The following CPLANE1 variants were observed in gnomAD, a reference collection of about 807,000 sequenced individuals.
CPLANE1 encodes the protein ciliogenesis and planar polarity effector complex subunit 1.
CPLANE1 carries 263 observed loss-of-function variants against 362.5 expected under a neutral mutation model. The ratio of observed to expected loss-of-function variants is 0.73; its 90% confidence interval spans 0.66 to 0.80. CPLANE1 has a LOEUF of 0.80. Among genes scored for constraint, CPLANE1 ranks in the 30% least tolerant of loss-of-function variants. The pLI, the probability that CPLANE1 is intolerant of heterozygous loss-of-function variation, is 0.00. For missense variants in CPLANE1, 3,461 were observed against 3,793.4 expected, an observed-to-expected ratio of 0.91 and a Z score of 2.30; for synonymous variants, 1,212 against 1,302.6, an observed-to-expected ratio of 0.93 and a Z score of 1.50.
intron 16 of CPLANE1, among the ~76,000 whole-genome samples, chr5:37,208,683 C>A (rs552185523): frequency 2.2e-4 from 26 of 120,250 alleles, no homozygotes; most frequent in African/African-American, 3.6e-4. Context: ...TCTCCCCCCC[C>A]CCCCAAAAAA....
chr5:37,149,995 G>C (rs1178030788), intron 42 of CPLANE1, among the ~76,000 whole-genome samples: 1 of 152,156 alleles, frequency 6.6e-6, no homozygotes, highest in Non-Finnish European at 1.5e-5. Flanking sequence ...AAAAGACATT[G>C]TCCCTACCTT....
intron 50 of CPLANE1, 111 bp downstream of exon 50, chr5:37,120,105 C>G: frequency 8.9e-7 from 1 of 1,123,658 alleles, no homozygotes; most frequent in Non-Finnish European, 1.3e-6. Flanking sequence ...CTGTTCAAAT[C>G]AGAACTCCTT....
chr5:37,184,679 A>T, intron 25 of CPLANE1, 109 bp downstream of exon 25: 1 of 832,146 alleles, frequency 1.2e-6, no homozygotes, highest in Non-Finnish European at 1.9e-6. Flanking sequence ...TCATATTATT[A>T]ATAGCACAAT....
At chr5:37,235,590 T>C (rs1798796298) in intron 8 of CPLANE1, among the ~76,000 whole-genome samples, 1 of 102,176 alleles carries the variant, frequency 9.8e-6, no homozygotes, top group African/African-American at 4.6e-5. Flanking sequence ...TTTTTTTTTT[T>C]GCAATGGAGT....
intron 15 of CPLANE1, among the ~76,000 whole-genome samples, chr5:37,218,904 T>G (rs1561641751): frequency 6.7e-6 from 1 of 149,924 alleles, no homozygotes; most frequent in Non-Finnish European, 1.5e-5. Flanking sequence ...GCTGAGATAG[T>G]GCCATTGCAC....
chr5:37,178,380 T>C (rs1781772447), intron 29 of CPLANE1, among the ~76,000 whole-genome samples: 1 of 151,482 alleles, frequency 6.6e-6, no homozygotes. Flanking sequence ...CTTTGAGAGG[T>C]TGAGGCTAGG....
intron 50 of CPLANE1, among the ~76,000 whole-genome samples, chr5:37,116,014 T>C (rs1436309055): frequency 6.6e-6 from 1 of 151,888 alleles, no homozygotes; most frequent in African/African-American, 2.4e-5. Context: ...TGGCCAGGCA[T>C]GGTGGCTTAC....
At position 37,170,105 on chromosome 5, in the gene CPLANE1, T is replaced by G. The variant is rs1218344038; in HGVS notation, c.6398A>C (p.Lys2133Thr). 1.9e-6 allele frequency: 3 copies of G among 1,614,210 alleles called. No homozygotes were observed. The highest frequency in any genetic ancestry group is 1.7e-6 in the Non-Finnish European group (2 of 1,180,038). The part of the protein sequence containing the change: ...SMGENAREPR[K>T]NSPHCHEGTI... ...TCCTTCATGGCAGTGTGGGCTGTTCTTGCGAGGCTCTCTGGCGTTCTCTCC... is the reference window on the plus strand; with the variant it reads ...TCCTTCATGGCAGTGTGGGCTGTTCGTGCGAGGCTCTCTGGCGTTCTCTCC... The change falls in exon 33 of 53, where the codon AAG (lysine) becomes ACG (threonine). Residue 2133 changes from lysine (K) to threonine (T), a missense_variant. Physicochemically the swap from Lys to Thr is moderately conservative, Grantham distance 78 (BLOSUM62 -1). Coordinates refer to ENST00000651892, the MANE Select transcript of CPLANE1 (RefSeq NM_001384732.1).
At chr5:37,078,033 A>T in the CPLANE1 span, among the ~76,000 whole-genome samples, 1 of 152,180 alleles carries the variant, frequency 6.6e-6, no homozygotes, top group Admixed American at 6.5e-5. Context: ...TACAGGTAGA[A>T]ACCACTAAAA....
intron 38 of CPLANE1, 51 bp downstream of exon 38, chr5:37,162,414 T>C (rs760654672): frequency 1.8e-5 from 21 of 1,149,790 alleles, no homozygotes; most frequent in Middle Eastern, 2.1e-4. Context: ...TCTAGATAAC[T>C]TAATTGTATC....
intron 15 of CPLANE1, among the ~76,000 whole-genome samples, chr5:37,217,544 T>A (rs1049606003): frequency 3.3e-5 from 5 of 151,844 alleles, no homozygotes; most frequent in African/African-American, 1.2e-4. Flanking sequence ...GAGGCCGAAG[T>A]TGCAGTGAGC....
chr5:37,231,306 A>G (rs1366387787), intron 8 of CPLANE1, among the ~76,000 whole-genome samples: 2 of 152,218 alleles, frequency 1.3e-5, no homozygotes, highest in African/African-American at 2.4e-5. Flanking sequence ...TCGGCCAGGC[A>G]CCGTGGCTCA....
At chr5:37,094,941 A>T in the CPLANE1 span, among the ~76,000 whole-genome samples, 1 of 152,194 alleles carries the variant, frequency 6.6e-6, no homozygotes, top group Admixed American at 6.5e-5. Context: ...ATGGTAATTT[A>T]AAAATTATCA....
At chr5:37,237,554 T>C (rs1240764093) in intron 8 of CPLANE1, among the ~76,000 whole-genome samples, 1 of 152,052 alleles carries the variant, frequency 6.6e-6, no homozygotes, top group Non-Finnish European at 1.5e-5. Flanking sequence ...ATGTAAGAAA[T>C]ATGCACCTAT....
intron 35 of CPLANE1, 113 bp downstream of exon 35, chr5:37,166,934 A>G: frequency 1.3e-6 from 1 of 770,040 alleles, no homozygotes; most frequent in Non-Finnish European, 2.0e-6. Context: ...AAGAAAACTG[A>G]ATGTGCAATT....
chr5:37,152,574 T>C lies in CPLANE1; in HGVS notation c.8373+1166A>G, dbSNP rs901819197. Among the ~76,000 whole-genome samples, 5 of 152,176 alleles carry C rather than the reference T, an allele frequency of 3.3e-5. No individual in the cohort carries two copies. In the East Asian group the frequency reaches 9.6e-4, roughly 29 times the overall value. On this transcript the variant is annotated intron_variant, in intron 42 of 52. Transcript: ENST00000651892. ...CTACCATTATATATATAAACATTAATTTATTTTTTATGTCTACCTTTTATA... is the reference window on the plus strand; with the variant it reads ...CTACCATTATATATATAAACATTAACTTATTTTTTATGTCTACCTTTTATA...
chr5:37,117,468 C>T (rs1029637680), intron 50 of CPLANE1, among the ~76,000 whole-genome samples: 1 of 151,776 alleles, frequency 6.6e-6, no homozygotes, highest in Admixed American at 6.6e-5. Flanking sequence ...AAATATTAGC[C>T]TCAATTTAGA....
the CPLANE1 span, among the ~76,000 whole-genome samples, chr5:37,098,390 CAAAAAAAAAAAAAAAA>C: frequency 2.7e-5 from 1 of 37,632 alleles, no homozygotes; most frequent in Non-Finnish European, 5.2e-5. Flanking sequence ...AACTCCGTCT[CAAAAAAAAAAAAAAAA>C]AAAAAAAAAC....
intron 8 of CPLANE1, among the ~76,000 whole-genome samples, chr5:37,236,349 A>G (rs1798988187): frequency 6.6e-6 from 1 of 152,164 alleles, no homozygotes; most frequent in Non-Finnish European, 1.5e-5. Flanking sequence ...TTCAATAAAA[A>G]TAGTGCTGGG....
Sources: allele counts gnomAD v4.1 joint callset (sites outside exome capture counted in the v4.1 genomes callset), GRCh38; gene constraint gnomAD v4.1.1; transcripts MANE v1.5; gene names NCBI Gene and HGNC (gene_info 2026-07-23, HGNC 2026-07-21).